NALCN: variants seen among roughly 807,000 people sequenced by gnomAD.
NALCN encodes sodium leak channel, non-selective.
In NALCN, 111 loss-of-function variants were observed where a neutral mutation model predicts 225.3. The observed-to-expected ratio is 0.49, with a 90% confidence interval of 0.42 to 0.58. The LOEUF is 0.58. Ranked by LOEUF, NALCN falls within the 20% of genes least tolerant of loss-of-function variation. NALCN has a pLI of 0.00. For synonymous variants in NALCN, 764 were observed against 769.0 expected (o/e 0.99, Z 0.11); for missense variants, 1,378 against 2,202.4 (o/e 0.63, Z 7.49).
At chr13:101,304,592 C>G (rs2044089711) in intron 7 of NALCN, among the ~76,000 whole-genome samples, 1 of 152,014 alleles carries the variant, frequency 6.6e-6, no homozygotes, top group Non-Finnish European at 1.5e-5. Flanking sequence ...CACTCACTAC[C>G]ACGCCTGGTT....
chr13:101,236,655 A>G (rs2140153004), intron 12 of NALCN, among the ~76,000 whole-genome samples: 1 of 151,684 alleles, frequency 6.6e-6, no homozygotes, highest in East Asian at 2.0e-4. Context: ...TCAGTAAACT[A>G]TCGCAAGAAC....
intron 14 of NALCN, among the ~76,000 whole-genome samples, chr13:101,182,879 T>C (rs2039296200): frequency 6.6e-6 from 1 of 152,186 alleles, no homozygotes; most frequent in Admixed American, 6.5e-5. Flanking sequence ...CAATAAGCAC[T>C]GCGATAAAGG....
intron 17 of NALCN, among the ~76,000 whole-genome samples, chr13:101,129,597 T>C (rs1443199304): frequency 1.3e-5 from 2 of 152,140 alleles, no homozygotes; most frequent in Non-Finnish European, 2.9e-5. Context: ...ATTGGAAAAA[T>C]GGTGTTTCAA....
intron 17 of NALCN, among the ~76,000 whole-genome samples, chr13:101,140,138 T>C (rs1018760929): frequency 1.3e-5 from 2 of 152,198 alleles, no homozygotes; most frequent in African/African-American, 4.8e-5. Context: ...AATAGGGTCC[T>C]CTGATGAAGA....
At chr13:101,382,603 C>T (rs2046881907) in intron 3 of NALCN, among the ~76,000 whole-genome samples, 1 of 152,014 alleles carries the variant, frequency 6.6e-6, no homozygotes, top group African/African-American at 2.4e-5. Flanking sequence ...AAAACTGGCC[C>T]ACACTACATT....
intron 10 of NALCN, among the ~76,000 whole-genome samples, chr13:101,281,743 A>G (rs1359568452): frequency 1.3e-5 from 2 of 152,234 alleles, no homozygotes; most frequent in Non-Finnish European, 2.9e-5. Flanking sequence ...AGGAGATAAT[A>G]TTCAAAAGAT....
intron 15 of NALCN, among the ~76,000 whole-genome samples, chr13:101,151,652 C>G (rs752469962): frequency 1.3e-5 from 2 of 152,168 alleles, no homozygotes; most frequent in Non-Finnish European, 2.9e-5. Context: ...GTGGCTTTAG[C>G]TATTTTTTCT....
chr13:101,141,266 T>C (rs879440562), intron 17 of NALCN, among the ~76,000 whole-genome samples: 2 of 151,996 alleles, frequency 1.3e-5, no homozygotes, highest in Admixed American at 1.3e-4. Flanking sequence ...AAAAGACATA[T>C]AAGGTATATT....
chr13:101,180,204 CTTT>C (rs71200724), intron 14 of NALCN, among the ~76,000 whole-genome samples: 4 of 109,952 alleles, frequency 3.6e-5, no homozygotes, highest in African/African-American at 3.3e-5. Flanking sequence ...TCCACCTGGT[CTTT>C]TTTTTTTTTT....
At chr13:101,302,280 C>T (rs2044001215) in intron 7 of NALCN, among the ~76,000 whole-genome samples, 1 of 152,084 alleles carries the variant, frequency 6.6e-6, no homozygotes. Context: ...CCTGGTCAGT[C>T]TACCTCAGAA....
At chr13:101,383,790 A>G (rs1259992528) in intron 3 of NALCN, among the ~76,000 whole-genome samples, 1 of 152,218 alleles carries the variant, frequency 6.6e-6, no homozygotes, top group Non-Finnish European at 1.5e-5. Flanking sequence ...TACTTCCTGG[A>G]TTAGCATAGT....
At chr13:101,202,447 A>G (rs1472570371) in intron 13 of NALCN, among the ~76,000 whole-genome samples, 1 of 152,176 alleles carries the variant, frequency 6.6e-6, no homozygotes, top group Non-Finnish European at 1.5e-5. Context: ...AATTTGGAGT[A>G]TAAATATAGT....
intron 15 of NALCN, among the ~76,000 whole-genome samples, chr13:101,153,500 A>T (rs2037753025): frequency 6.6e-6 from 1 of 152,236 alleles, no homozygotes; most frequent in Admixed American, 6.5e-5. Flanking sequence ...AATGAAAACG[A>T]AAATAGGCAG....
intron 15 of NALCN, among the ~76,000 whole-genome samples, chr13:101,169,109 TTG>T: frequency 6.6e-6 from 1 of 152,334 alleles, no homozygotes; most frequent in South Asian, 2.1e-4. Context: ...GCCTGTTTAC[TTG>T]TCTTTTTCTC....
At chr13:101,099,010 A>G (rs1362728535) in intron 27 of NALCN, among the ~76,000 whole-genome samples, 1 of 147,492 alleles carries the variant, frequency 6.8e-6, no homozygotes, top group East Asian at 1.9e-4. Flanking sequence ...TGTCACCATC[A>G]ATCTTCAGCT....
intron 12 of NALCN, among the ~76,000 whole-genome samples, chr13:101,235,131 A>C (rs2041505669): frequency 6.6e-6 from 1 of 151,884 alleles, no homozygotes; most frequent in African/African-American, 2.4e-5. Context: ...CGTTTAAATA[A>C]AACAGTCATA....
At chr13:101,396,974 G>C (rs1486593545) in intron 2 of NALCN, among the ~76,000 whole-genome samples, 2 of 150,162 alleles carry the variant, frequency 1.3e-5, no homozygotes, top group Non-Finnish European at 3.0e-5. Context: ...CCTACTATGT[G>C]TCAGAATGCT....
chr13:101,105,529 AC>A (rs1480283436), intron 22 of NALCN, among the ~76,000 whole-genome samples: 1 of 152,174 alleles, frequency 6.6e-6, no homozygotes, highest in Non-Finnish European at 1.5e-5. Context: ...ATTGTATTCA[AC>A]ATCAGCTGCC....
chr13:101,290,740 C>T (rs2043521982), intron 9 of NALCN, among the ~76,000 whole-genome samples: 1 of 152,122 alleles, frequency 6.6e-6, no homozygotes. Context: ...AAAAGCTCAA[C>T]TTGAGGGTTT....
Sources: allele counts gnomAD v4.1 joint callset (sites outside exome capture counted in the v4.1 genomes callset), GRCh38; gene constraint gnomAD v4.1.1; transcripts MANE v1.5; gene names NCBI Gene and HGNC (gene_info 2026-07-23, HGNC 2026-07-21).